The following GPRASP1 variants were observed in gnomAD, a reference collection of about 807,000 sequenced individuals.
The protein encoded by GPRASP1 is G protein-coupled receptor associated sorting protein 1.
A neutral mutation model predicts 68.4 loss-of-function variants in GPRASP1; 28 were observed. The ratio of observed to expected loss-of-function variants is 0.41; its 90% CI spans 0.30 to 0.56. GPRASP1 has a LOEUF of 0.56. Among genes scored for constraint, GPRASP1 ranks in the 20% least tolerant of loss-of-function variants. GPRASP1 has a pLI of 0.29. For synonymous variants in GPRASP1, 304 were observed against 358.2 expected, an observed-to-expected ratio of 0.85 and a Z score of 1.71; for missense variants, 913 against 1,031.5, an observed-to-expected ratio of 0.89 and a Z score of 1.57.
Position 102,655,066 on chromosome X carries a change from G to A in GPRASP1, c.1153G>A (p.Ala385Thr). The A allele has an allele frequency of 8.3e-7, 1 of 1,211,926 alleles. No homozygotes were observed. The highest frequency in any genetic ancestry group is 1.1e-6 in the Non-Finnish European group (1 of 895,438). Residue 385 changes from alanine (A) to threonine (T), a missense_variant, in exon 6 of 6, where the codon GCC (alanine) becomes ACC (threonine). Coordinates refer to ENST00000537097, the MANE Select transcript of GPRASP1 (RefSeq NM_001184727.2). ...GGCCAGAGCAATGACAAAGGAAGAG[G>A]CCAAAACCAAGGCCCGAGCCAGGGC... is the stretch of plus-strand genomic sequence containing the variant. The part of the protein sequence containing the change: ...ARARAMTKEE[A>T]KTKARARAKQ...
chrX:102,657,793 T>A lies in GPRASP1; in HGVS notation c.3880T>A (p.Phe1294Ile). The A allele has an allele frequency of 8.3e-7, 1 of 1,206,978 alleles. No individual in the cohort carries two copies. Among genetic ancestry groups the A allele is most frequent in the African/African-American group, 1.7e-5 (1 of 57,699 alleles). ...AGCTACAGGCAATGCCAAAACAAGG[T>A]TTCATGTTTTGAAAATGCTACTGAA... ...LLATGNAKTR[F>I]HVLKMLLNLS... is the part of the protein sequence containing the mutation. The change falls in exon 6 of 6, where the codon TTT becomes ATT. Residue 1294 changes from phenylalanine to isoleucine, a missense_variant. Phe to Ile is a conservative substitution (Grantham distance 21, BLOSUM62 0). Coordinates refer to ENST00000537097, the MANE Select transcript of GPRASP1 (RefSeq NM_001184727.2).
At position 102,654,145 on chromosome X, in the gene GPRASP1, A is replaced by G. The variant is rs1358549917; in HGVS notation, c.232A>G (p.Ser78Gly). Reference protein sequence around the residue: ...TSAVGGARPKSKAKAIPVSRF... With the variant: ...TSAVGGARPKGKAKAIPVSRF... ...TGCAGTGGGTGGGGCACGCCCTAAG[A>G]GTAAGGCCAAGGCAATACCTGTTTC... The change falls in exon 6 of 6, where the codon AGT becomes GGT. Residue 78 changes from serine (S) to glycine (G), a missense_variant. Ser to Gly is a moderately conservative substitution (Grantham distance 56, BLOSUM62 0). Coordinates refer to ENST00000537097, the MANE Select transcript of GPRASP1 (RefSeq NM_001184727.2). The G allele has an allele frequency of 1.7e-6, 2 of 1,211,922 alleles. No individual in the cohort carries two copies. Among genetic ancestry groups the G allele is most frequent in the Non-Finnish European group, 2.2e-6 (2 of 895,224 alleles).
In GPRASP1 at chrX:102,655,100, A is replaced by G. The variant is rs1165250392; in HGVS notation, c.1187A>G (p.Glu396Gly). 8.3e-7 allele frequency: 1 copy of G among 1,210,816 alleles called. No homozygotes were observed. Among genetic ancestry groups the G allele is most frequent in the Non-Finnish European group, 1.1e-6 (1 of 895,285 alleles). The change falls in exon 6 of 6, where the codon GAA becomes GGA. Residue 396 changes from glutamate (E) to glycine (G), a missense_variant. By Grantham distance (98) the Glu-to-Gly change is moderately conservative. Transcript: ENST00000537097. ...AAGGCCCGAGCCAGGGCCAAGCAAG[A>G]AGCCAGGTCAGAGGAGGAAGCCCTC... ...KTKARARAKQ[E>G]ARSEEEALIG...
rs1602527317 is a variant in GPRASP1 at position 102,656,037 on chromosome X, C to G, written c.2124C>G (p.Phe708Leu). 2.5e-6 allele frequency: 3 copies of G among 1,209,557 alleles called. 1 individual carries two copies. In the Admixed American group the frequency reaches 6.6e-5, roughly 26 times the overall value. The change falls in exon 6 of 6, where the codon TTC becomes TTG. Residue 708 changes from phenylalanine to leucine, a missense_variant. Phe to Leu is a conservative substitution (Grantham distance 22). Transcript: ENST00000537097. Reference sequence around the variant, plus strand: ...AAGAGGACATTGTCAATTCGTGGTTCTGGTCCAGAAAATACACAAAGCCAG... The same window carrying G: ...AAGAGGACATTGTCAATTCGTGGTTGTGGTCCAGAAAATACACAAAGCCAG... ...EEEEDIVNSWFWSRKYTKPEA... is the reference protein window; with the variant it reads ...EEEEDIVNSWLWSRKYTKPEA...
chrX:102,656,800 A>C lies in GPRASP1; in HGVS notation c.2887A>C (p.Asn963His). Residue 963 changes from asparagine (N) to histidine (H), a missense_variant, in exon 6 of 6, where the codon AAT (asparagine) becomes CAT (histidine). Transcript: ENST00000537097. ...GGCCACCTGTGAGTCCAAGCCAGAA[A>C]ATGAGGAAGGGGCCATTGTTGGGTC... ...TVATCESKPE[N>H]EEGAIVGSWF... 2 of 1,211,084 alleles carry C rather than the reference A, an allele frequency of 1.7e-6. No homozygotes were observed. The highest frequency in any genetic ancestry group is 3.5e-5 in the South Asian group (2 of 56,931).
rs747569317 is a variant in GPRASP1 at position 102,654,568 on chromosome X, G to A, written c.655G>A (p.Val219Ile). 50 of 1,209,132 alleles carry A rather than the reference G, an allele frequency of 4.1e-5. No homozygotes were observed. The highest frequency in any genetic ancestry group is 3.1e-4 in the Admixed American group (14 of 45,798). Residue 219 changes from valine (V) to isoleucine (I), a missense_variant, in exon 6 of 6, where the codon GTA (valine) becomes ATA (isoleucine). By Grantham distance (29) the Val-to-Ile change is conservative. Coordinates refer to ENST00000537097, the MANE Select transcript of GPRASP1 (RefSeq NM_001184727.2). ...VTAKFHPGNR[V>I]KDSNRSMHMA... Reference sequence around the variant, plus strand: ...TGCAAAATTTCATCCTGGGAATAGGGTAAAAGACAGTAACAGATCCATGCA... The same window carrying A: ...TGCAAAATTTCATCCTGGGAATAGGATAAAAGACAGTAACAGATCCATGCA...
At position 102,655,367 on chromosome X, in the gene GPRASP1, C is replaced by G. The variant is rs757469594; in HGVS notation, c.1454C>G (p.Ser485Cys). Residue 485 changes from serine (S) to cysteine (C), a missense_variant, in exon 6 of 6, where the codon TCT becomes TGT. By Grantham distance (112) the Ser-to-Cys change is moderately radical (BLOSUM62 -1). Transcript: ENST00000537097. ...ATGAAAACTGGGGCTGAGGCCACCT[C>G]TGAATCTATACTAGCAGCTGATGAT... ...TSMKTGAEAT[S>C]ESILAADDEQ... is the part of the protein sequence containing the mutation. The G allele has an allele frequency of 1.7e-6, 2 of 1,211,606 alleles. No individual in the cohort carries two copies. The highest frequency in any genetic ancestry group is 3.5e-5 in the South Asian group (2 of 56,995).
At position 102,658,384 on chromosome X, in the gene GPRASP1, G is replaced by A. The variant is rs189010225; in HGVS notation, c.*283G>A. 10 of 222,621 alleles carry A rather than the reference G, an allele frequency of 4.5e-5. No homozygotes were observed. The highest frequency in any genetic ancestry group is 1.2e-4 in the African/African-American group (4 of 33,433). 18.3% of individuals were successfully genotyped at this position (222,621 alleles called of 1,213,427 possible). Reference sequence around the variant, plus strand: ...TAAATAAGCCACCCTTCTGATTGTCGTTCTACTGTATATATATATATATTT... The same window carrying A: ...TAAATAAGCCACCCTTCTGATTGTCATTCTACTGTATATATATATATATTT... On this transcript the variant is annotated 3_prime_UTR_variant, in exon 6 of 6. Transcript: ENST00000537097.
rs1466053354 is a variant in GPRASP1, at chrX:102,656,298, T to C, written c.2385T>C (p.Ala795=). 1 of 1,200,833 alleles carries C rather than the reference T, an allele frequency of 8.3e-7. No individual in the cohort carries two copies. Among genetic ancestry groups the C allele is most frequent in the South Asian group, 1.8e-5 (1 of 54,904 alleles). ...AGEEDRLEPA[A]ETREEDRLAA... ...AAGAGGACAGACTAGAGCCAGCTGC[T>C]GAGACTAGAGAAGAAGACAGGCTAG... Residue 795 remains alanine (A), a synonymous_variant, in exon 6 of 6, where the codon GCT becomes GCC. Coordinates refer to ENST00000537097, the MANE Select transcript of GPRASP1 (RefSeq NM_001184727.2).
In GPRASP1 at chrX:102,655,402, A is replaced by G; in HGVS notation, c.1489A>G (p.Ile497Val). Residue 497 changes from isoleucine (I) to valine (V), a missense_variant, in exon 6 of 6, where the codon ATT (isoleucine) becomes GTT (valine). Physicochemically the swap from Ile to Val is conservative, Grantham distance 29. Coordinates refer to ENST00000537097, the MANE Select transcript of GPRASP1 (RefSeq NM_001184727.2). Reference protein sequence around the residue: ...SILAADDEQVIIGSWFWAGEE... With the variant: ...SILAADDEQVVIGSWFWAGEE... ...ACTAGCAGCTGATGATGAACAGGTC[A>G]TTATTGGTTCCTGGTTCTGGGCTGG... The G allele has an allele frequency of 8.3e-7, 1 of 1,211,573 alleles. No individual in the cohort carries two copies. The highest frequency in any genetic ancestry group is 1.1e-6 in the Non-Finnish European group (1 of 895,430).
rs1446239846 is a variant in GPRASP1 at position 102,658,914 on chromosome X, G to A, written c.*813G>A. The A allele has an allele frequency of 8.1e-6, 1 of 122,721 alleles. No individual in the cohort carries two copies. The highest frequency in any genetic ancestry group is 2.8e-4 in the East Asian group (1 of 3,555). 10.1% of individuals were successfully genotyped at this position (122,721 alleles called of 1,213,427 possible). On this transcript the variant is annotated 3_prime_UTR_variant, in exon 6 of 6. Transcript: ENST00000537097. Reference sequence around the variant, plus strand: ...GTCAGGAAGACAATTTAATCATGATGGTACCATGGTAAGTGTTAAGGCAAC... The same window carrying A: ...GTCAGGAAGACAATTTAATCATGATAGTACCATGGTAAGTGTTAAGGCAAC...
In GPRASP1 at chrX:102,656,599, GA is replaced by G. The variant is rs759299452; in HGVS notation, c.2689del (p.Met897TrpfsTer39). The G allele has an allele frequency of 8.3e-6, 10 of 1,208,474 alleles. No individual in the cohort carries two copies. The highest frequency in any genetic ancestry group is 1.1e-5 in the Non-Finnish European group (10 of 894,715). The stretch of plus-strand genomic sequence containing the variant: ...ACAGGCTGGATCTCAGGCAGTAGAG[GA>G]AATGGAGTCAGAGACTGAAGAGGAA... ...SIQAGSQAVE[E>X]MESETEEETI... On this transcript the variant is annotated frameshift_variant, in exon 6 of 6. Transcript: ENST00000537097. LOFTEE classifies it high-confidence loss of function.
Position 102,655,903 on chromosome X carries a change from T to C in GPRASP1, c.1990T>C (p.Phe664Leu). The C allele has an allele frequency of 8.3e-7, 1 of 1,210,748 alleles. No homozygotes were observed. The highest frequency in any genetic ancestry group is 1.1e-6 in the Non-Finnish European group (1 of 895,084). Residue 664 changes from phenylalanine to leucine, a missense_variant, in exon 6 of 6, where the codon TTT becomes CTT. By Grantham distance (22) the Phe-to-Leu change is conservative. Coordinates refer to ENST00000537097, the MANE Select transcript of GPRASP1 (RefSeq NM_001184727.2). ...GCATGGGACTGGTGTCAGATGCAGA[T>C]TTATGGCAGGGGCTGAGGAGACCAA... ...MKHGTGVRCRFMAGAEETNNK... is the reference protein window; with the variant it reads ...MKHGTGVRCRLMAGAEETNNK...
rs2081400364 is a variant in GPRASP1 at position 102,655,480 on chromosome X, T to C, written c.1567T>C (p.Trp523Arg). The C allele has an allele frequency of 1.7e-6, 2 of 1,211,577 alleles. No homozygotes were observed. Among genetic ancestry groups the C allele is most frequent in the Non-Finnish European group, 2.2e-6 (2 of 895,411 alleles). The change falls in exon 6 of 6, where the codon TGG (tryptophan) becomes CGG (arginine). Residue 523 changes from tryptophan to arginine, a missense_variant. Transcript: ENST00000537097. ...EEETIFGSWFWVIDAASVESG... is the reference protein window; with the variant it reads ...EEETIFGSWFRVIDAASVESG... ...AGAGACCATTTTTGGGTCGTGGTTC[T>C]GGGTCATTGATGCGGCCAGTGTGGA...
rs2081413099 is a variant in GPRASP1, at chrX:102,656,448, C to G, written c.2535C>G (p.Ser845=). ...AAGAGGAAGAAGTCATTATTGGGTC[C>G]TGGTTCTGGGAAGAAGAGGCCAGTC... ...KAEEEEVIIG[S]WFWEEEASPE... The change falls in exon 6 of 6, where the codon TCC becomes TCG. Residue 845 remains serine, a synonymous_variant. Coordinates refer to ENST00000537097, the MANE Select transcript of GPRASP1 (RefSeq NM_001184727.2). The G allele has an allele frequency of 8.3e-7, 1 of 1,209,131 alleles. No homozygotes were observed. The highest frequency in any genetic ancestry group is 2.2e-5 in the Admixed American group (1 of 45,681).
chrX:102,656,068 A>T lies in GPRASP1; in HGVS notation c.2155A>T (p.Ile719Phe). The T allele has an allele frequency of 8.3e-7, 1 of 1,211,135 alleles. No individual in the cohort carries two copies. Among genetic ancestry groups the T allele is most frequent in the Non-Finnish European group, 1.1e-6 (1 of 894,729 alleles). The change falls in exon 6 of 6, where the codon ATT (isoleucine) becomes TTT (phenylalanine). Residue 719 changes from isoleucine to phenylalanine, a missense_variant. Transcript: ENST00000537097. ...WSRKYTKPEAIIGSWLWATEE... is the reference protein window; with the variant it reads ...WSRKYTKPEAFIGSWLWATEE... ...CAGAAAATACACAAAGCCAGAGGCC[A>T]TTATAGGGTCCTGGTTATGGGCTAC...
chrX:102,654,263 T>C lies in GPRASP1; in HGVS notation c.350T>C (p.Ile117Thr), dbSNP rs2147655271. The C allele has an allele frequency of 8.3e-7, 1 of 1,210,249 alleles. No individual in the cohort carries two copies. The stretch of plus-strand genomic sequence containing the variant: ...GAGAGAAACTCCCAGACCAATATCA[T>C]AGCCTCTCCACTTGTCAGTACTGAT... The part of the protein sequence containing the change: ...KTERNSQTNI[I>T]ASPLVSTDSV... The change falls in exon 6 of 6, where the codon ATA becomes ACA. Residue 117 changes from isoleucine (I) to threonine (T), a missense_variant. By Grantham distance (89) the Ile-to-Thr change is moderately conservative. Coordinates refer to ENST00000537097, the MANE Select transcript of GPRASP1 (RefSeq NM_001184727.2).
chrX:102,654,785 T>A lies in GPRASP1; in HGVS notation c.872T>A (p.Val291Asp). ...SRSRFRSKKE[V>D]YVESSSGSEH... is the part of the protein sequence containing the mutation. ...TCCAGGTTTAGGTCTAAGAAAGAAG[T>A]CTATGTTGAATCAAGTTCTGGATCT... Residue 291 changes from valine to aspartate, a missense_variant, in exon 6 of 6, where the codon GTC becomes GAC. Val to Asp is a radical substitution (Grantham distance 152). Transcript: ENST00000537097. 8.3e-7 allele frequency: 1 copy of A among 1,210,416 alleles called. No individual in the cohort carries two copies. Among genetic ancestry groups the A allele is most frequent in the Non-Finnish European group, 1.1e-6 (1 of 894,884 alleles).
In GPRASP1 at chrX:102,656,772, TG is replaced by T. The variant is rs1569484901; in HGVS notation, c.2860del (p.Val954TrpfsTer26). On this transcript the variant is annotated frameshift_variant, in exon 6 of 6. Coordinates refer to ENST00000537097, the MANE Select transcript of GPRASP1 (RefSeq NM_001184727.2). LOFTEE classifies it high-confidence loss of function. Reference protein sequence around the residue: ...RDKAIKETGTVATCESKPENE... With the variant: ...RDKAIKETGTXATCESKPENE... Reference sequence around the variant, plus strand: ...ACAAAGCCATTAAGGAAACTGGAACTGTGGCCACCTGTGAGTCCAAGCCAGA... The same window carrying T: ...ACAAAGCCATTAAGGAAACTGGAACTTGGCCACCTGTGAGTCCAAGCCAGA... The T allele has an allele frequency of 8.3e-7, 1 of 1,209,898 alleles. No homozygotes were observed.
Sources: gnomAD v4.1 joint callset for allele counts on GRCh38, gnomAD v4.1.1 for gene constraint, MANE v1.5 for transcripts, NCBI Gene and HGNC (gene_info 2026-07-23, HGNC 2026-07-21) for gene names.